INPP5B: variants seen among roughly 807,000 people sequenced by gnomAD.
INPP5B encodes inositol polyphosphate-5-phosphatase B.
In INPP5B, 90 loss-of-function variants were observed where a neutral mutation model predicts 118.5. The observed-to-expected ratio is 0.76, with a 90% CI of 0.64 to 0.90. The LOEUF (loss-of-function observed/expected upper bound fraction) is 0.90, where lower values mean the gene tolerates loss of function less well. Among genes scored for constraint, INPP5B ranks in the 40% least tolerant of loss-of-function variants. INPP5B has a pLI of 0.00. For synonymous variants in INPP5B, 385 were observed against 418.9 expected, an observed-to-expected ratio of 0.92 and a Z score of 0.99; for missense variants, 984 against 1,125.6, an observed-to-expected ratio of 0.87 and a Z score of 1.80.
At position 37,878,337 on chromosome 1, in the gene INPP5B, T is replaced by C. The variant is rs372026132; in HGVS notation, c.1542-14A>G. On this transcript the variant is annotated splice_polypyrimidine_tract_variant and intron_variant, in intron 15 of 23. Coordinates refer to ENST00000373024, the MANE Select transcript of INPP5B (RefSeq NM_005540.3). ...CGGCACTTCTCACTGAAATGCAAAG[T>C]CCACACTGGAAGTACTCACAGAAAC... 100 of 1,613,488 alleles carry C rather than the reference T, an allele frequency of 6.2e-5. No individual in the cohort carries two copies. The highest frequency in any genetic ancestry group is 8.2e-5 in the Non-Finnish European group (97 of 1,179,698).
intron 7 of INPP5B, among the ~76,000 whole-genome samples, chr1:37,897,098 A>G (rs1380215462): frequency 7.8e-5 from 11 of 140,264 alleles, no homozygotes; most frequent in African/African-American, 1.1e-4. Context: ...CGCCCCGTCC[A>G]GGAGGGAGGT....
chr1:37,932,079 C>G lies in INPP5B; in HGVS notation c.392-26G>C, dbSNP rs759133383. The G allele has an allele frequency of 1.9e-6, 3 of 1,548,956 alleles. No homozygotes were observed. In the Admixed American group the frequency reaches 5.8e-5, roughly 30 times the overall value. Reference sequence around the variant, plus strand: ...CTGTGCAGGAACAAATGGGGGCAGACTGAGCCACGAGCTTGAAGAGCCGGC... The same window carrying G: ...CTGTGCAGGAACAAATGGGGGCAGAGTGAGCCACGAGCTTGAAGAGCCGGC... On this transcript the variant is annotated intron_variant, in intron 6 of 23. Coordinates refer to ENST00000373024, the MANE Select transcript of INPP5B (RefSeq NM_005540.3).
At chr1:37,931,629 C>G in intron 7 of INPP5B, 2 of 1,536,766 alleles carry the variant, frequency 1.3e-6, no homozygotes, top group Non-Finnish European at 1.7e-6. Context: ...GCACCGCCGC[C>G]CCCGGCCCAG....
At chr1:37,884,014 A>G (rs1019545701) in intron 13 of INPP5B, 26 of 252,726 alleles carry the variant, frequency 1.0e-4, no homozygotes, top group Non-Finnish European at 1.2e-4. Context: ...AGCTGCAACT[A>G]TATCTTTGTA....
In INPP5B at chr1:37,862,221, G is replaced by C. The variant is rs899065228; in HGVS notation, c.*94C>G. ...AAATAGCTGCCATTCTTGCTACCAA[G>C]TGGCCTCACATAATTATCTTAAGGC... On this transcript the variant is annotated 3_prime_UTR_variant, in exon 24 of 24. Coordinates refer to ENST00000373024, the MANE Select transcript of INPP5B (RefSeq NM_005540.3). 1.3e-5 allele frequency: 10 copies of C among 787,492 alleles called. No individual in the cohort carries two copies. The highest frequency in any genetic ancestry group is 2.2e-5 in the Non-Finnish European group (10 of 454,116). 48.8% of individuals were successfully genotyped at this position (787,492 alleles called of 1,614,324 possible).
chr1:37,937,793 TA>T (rs1455365922), intron 6 of INPP5B, among the ~76,000 whole-genome samples: 2 of 147,312 alleles, frequency 1.4e-5, no homozygotes, highest in African/African-American at 5.0e-5. Context: ...TAAAATAAAA[TA>T]AAAATAAAAA....
intron 6 of INPP5B, among the ~76,000 whole-genome samples, chr1:37,932,363 C>CTTTT (rs58150703): frequency 7.0e-3 from 610 of 87,246 alleles, no homozygotes; most frequent in Non-Finnish European, 0.01. Context: ...CTTTTCTTTT[C>CTTTT]TTTTTTTTTT....
chr1:37,935,420 C>T (rs1570386896), intron 6 of INPP5B, among the ~76,000 whole-genome samples: 1 of 151,204 alleles, frequency 6.6e-6, no homozygotes, highest in Non-Finnish European at 1.5e-5. Flanking sequence ...TCTTGAACTC[C>T]TGACCTCGTG....
Position 37,875,400 on chromosome 1 carries a change from T to C in INPP5B, c.1788+206A>G, listed in dbSNP as rs573827440. Among the ~76,000 whole-genome samples, 13 of 152,164 alleles carry C rather than the reference T, an allele frequency of 8.5e-5. 1 individual carries two copies. The highest frequency in any genetic ancestry group is 3.9e-4 in the East Asian group (2 of 5,164). On this transcript the variant is annotated intron_variant, in intron 17 of 23. Transcript: ENST00000373024. The stretch of plus-strand genomic sequence containing the variant: ...TCTCCTGTCTCAGCCTCCCGAGTAG[T>C]TGGGACTACAGGTGCCGACCACCAC...
chr1:37,891,446 T>C lies in INPP5B; in HGVS notation c.541A>G (p.Asn181Asp), dbSNP rs773547437. The change falls in exon 8 of 24, where the codon AAC becomes GAC. Residue 181 changes from asparagine to aspartate, a missense_variant. By Grantham distance (23) the Asn-to-Asp change is conservative (BLOSUM62 1). This residue lies in a region of INPP5B where 350 missense variants were observed against 334.6 expected (regional missense o/e 1.05). Coordinates refer to ENST00000373024, the MANE Select transcript of INPP5B (RefSeq NM_005540.3). ...GYATIGGGGS[N>D]FDGLRPNGKG... ...CCATTTGGTCTCAAACCATCAAAGTTAGAACCACCTAAAGGGAAGGAGAAG... is the reference window on the plus strand; with the variant it reads ...CCATTTGGTCTCAAACCATCAAAGTCAGAACCACCTAAAGGGAAGGAGAAG... 21 of 1,610,180 alleles carry C rather than the reference T, an allele frequency of 1.3e-5. No homozygotes were observed. The highest frequency in any genetic ancestry group is 1.6e-5 in the Non-Finnish European group (19 of 1,176,726).
chr1:37,905,321 A>C (rs1040685348), intron 7 of INPP5B, among the ~76,000 whole-genome samples: 6 of 152,148 alleles, frequency 3.9e-5, no homozygotes, highest in Admixed American at 2.0e-4. Flanking sequence ...GAATTGCTTG[A>C]ACCCTGGAGC....
intron 20 of INPP5B, 148 bp from the exon 21 acceptor site, chr1:37,866,691 A>G: frequency 1.6e-6 from 1 of 636,018 alleles, no homozygotes; most frequent in Non-Finnish European, 2.8e-6. Flanking sequence ...ATTTAGGCTG[A>G]TGTGGCGAAT....
chr1:37,888,314 C>A lies in INPP5B; in HGVS notation c.828G>T (p.Gly276=). 1 of 1,568,772 alleles carries A rather than the reference C, an allele frequency of 6.4e-7. No individual in the cohort carries two copies. Among genetic ancestry groups the A allele is most frequent in the South Asian group, 1.2e-5 (1 of 84,666 alleles). The part of the protein sequence containing the change: ...RFFAGTYNVN[G]QSPKECLRLW... ...GCCGGAGGCATTCTTTGGGGGACTG[C>A]CCATTTACATTGTATGTTCCCGCAA... Residue 276 remains glycine (G), a synonymous_variant, in exon 10 of 24, where the codon GGG becomes GGT. Transcript: ENST00000373024.
chr1:37,921,120 AAATAAAAATAATAGAGATCCTCTT>A, intron 7 of INPP5B, among the ~76,000 whole-genome samples: 1 of 152,278 alleles, frequency 6.6e-6, no homozygotes, highest in Admixed American at 6.5e-5. Context: ...ATAAATCAAT[AAATAAAAATAATAGAGATCCTCTT>A]ATGGAATTTT....
intron 7 of INPP5B, among the ~76,000 whole-genome samples, chr1:37,896,522 C>G (rs1477507622): frequency 7.0e-6 from 1 of 142,382 alleles, no homozygotes; most frequent in African/African-American, 2.7e-5. Flanking sequence ...AGGTGAGGGG[C>G]GCCTCTGCCC....
intron 21 of INPP5B, 98 bp from the exon 22 acceptor site, chr1:37,865,986 AG>A (rs1642005530): frequency 6.4e-7 from 1 of 1,551,492 alleles, no homozygotes; most frequent in Admixed American, 1.8e-5. Context: ...CTGCCCTGTC[AG>A]GCTCTCTGCT....
intron 19 of INPP5B, 43 bp downstream of exon 19, chr1:37,872,887 C>G: frequency 6.9e-7 from 1 of 1,443,032 alleles, no homozygotes; most frequent in Non-Finnish European, 9.6e-7. Context: ...ACTGGCTTGT[C>G]TGCTACAAAG....
intron 19 of INPP5B, among the ~76,000 whole-genome samples, chr1:37,869,674 G>A (rs1057131337): frequency 6.6e-6 from 1 of 150,940 alleles, no homozygotes; most frequent in African/African-American, 2.4e-5. Flanking sequence ...GAGACGGGGG[G>A]TTTCACCATC....
chr1:37,863,279 G>A (rs1270533499), intron 23 of INPP5B, among the ~76,000 whole-genome samples: 1 of 151,856 alleles, frequency 6.6e-6, no homozygotes, highest in Admixed American at 6.6e-5. Context: ...ACTTTGGGAG[G>A]CCGAGGCGGG....
Sources: gnomAD v4.1 joint callset for allele counts (sites outside exome capture counted in the v4.1 genomes callset) on GRCh38, gnomAD v4.1.1 for gene constraint, gnomAD v4.1.1 regional missense constraint, MANE v1.5 for transcripts, NCBI Gene and HGNC (gene_info 2026-07-23, HGNC 2026-07-21) for gene names.